Variants in PPAT observed in about 807,000 individuals in gnomAD.
PPAT encodes phosphoribosyl pyrophosphate amidotransferase, also known as amidophosphoribosyltransferase.
PPAT carries 20 observed loss-of-function variants against 60.2 expected under a neutral mutation model. That is an observed-to-expected ratio of 0.33 (90% CI 0.23 to 0.48). The LOEUF is 0.48. Ranked by LOEUF, PPAT falls within the 20% of genes least tolerant of loss-of-function variation. The pLI is 0.99. For synonymous variants in PPAT, 194 were observed against 215.1 expected (o/e 0.90, Z 0.86); for missense variants, 349 against 629.6 (o/e 0.55, Z 4.77).
intron 1 of PPAT, chr4:56,422,858 A>G (rs1717112068): frequency 6.6e-6 from 1 of 152,222 alleles, no homozygotes; most frequent in Admixed American, 6.5e-5. Context: ...CAAGTGTAGC[A>G]GCATCAGCAT....
At chr4:56,399,155 AG>A (rs1716054242) in intron 9 of PPAT, 23 bp downstream of exon 9, 1 of 1,564,260 alleles carries the variant, frequency 6.4e-7, no homozygotes, top group African/African-American at 1.4e-5. Context: ...CTTATGCTTT[AG>A]GATATGTTTT....
In PPAT at chr4:56,394,671, A is replaced by T. The variant is rs1307164042; in HGVS notation, c.*681T>A. 6.6e-6 allele frequency: 1 copy of T among 152,170 alleles called. No homozygotes were observed. Among genetic ancestry groups the T allele is most frequent in the Non-Finnish European group, 1.5e-5 (1 of 68,032 alleles). 9.4% of individuals were successfully genotyped at this position (152,170 alleles called of 1,614,324 possible). A position where few individuals can be genotyped will look rare whatever the true frequency, so the allele number is the denominator to read the frequency against. Reference sequence around the variant, plus strand: ...TCTCCTTCCATCATAATGAAATCTTAATTAATTGTAAACTAATTTCAAAAA... The same window carrying T: ...TCTCCTTCCATCATAATGAAATCTTTATTAATTGTAAACTAATTTCAAAAA... On this transcript the variant is annotated 3_prime_UTR_variant, in exon 11 of 11. Coordinates refer to ENST00000264220, the MANE Select transcript of PPAT (RefSeq NM_002703.5).
At chr4:56,406,200 A>G (rs1415264056) in intron 3 of PPAT, among the ~76,000 whole-genome samples, 1 of 152,136 alleles carries the variant, frequency 6.6e-6, no homozygotes, top group East Asian at 1.9e-4. Context: ...AAGTCCATAA[A>G]CTCTAATTTC....
At chr4:56,404,027 G>A in intron 3 of PPAT, 3 of 451,392 alleles carry the variant, frequency 6.6e-6, no homozygotes, top group South Asian at 3.1e-5. Flanking sequence ...CCACAGACTG[G>A]TACTAGTCCC....
At chr4:56,414,617 T>G (rs1049896699) in intron 1 of PPAT, among the ~76,000 whole-genome samples, 2 of 152,222 alleles carry the variant, frequency 1.3e-5, no homozygotes, top group South Asian at 2.1e-4. Context: ...AATGAGCAAC[T>G]TAAGAAAAAA....
Position 56,396,832 on chromosome 4 carries a change from C to T in PPAT, c.1237-93G>A. ...ATACAAAATTGTTTTGCAGAATATT[C>T]AGTAACAACATATGGGTAATAAATT... is the stretch of plus-strand genomic sequence containing the variant. On this transcript the variant is annotated intron_variant, in intron 9 of 10. Transcript: ENST00000264220. The surrounding 1 kb of genome is among the most constrained non-coding windows in gnomAD (Gnocchi z 4.6). 2 of 1,270,060 alleles carry T rather than the reference C, an allele frequency of 1.6e-6. No individual in the cohort carries two copies. Among genetic ancestry groups the T allele is most frequent in the South Asian group, 1.6e-5 (1 of 63,106 alleles). 78.7% of individuals were successfully genotyped at this position (1,270,060 alleles called of 1,614,324 possible).
At position 56,406,495 on chromosome 4, in the gene PPAT, C is replaced by A; in HGVS notation, c.402G>T (p.Lys134Asn). Residue 134 changes from lysine to asparagine, a missense_variant and splice_region_variant, in exon 3 of 11, where the codon AAG (lysine) becomes AAT (asparagine). By Grantham distance (94) the Lys-to-Asn change is moderately conservative. Coordinates refer to ENST00000264220, the MANE Select transcript of PPAT (RefSeq NM_002703.5). Reference protein sequence around the residue: ...ELVNAARLRKKLLRHGIGLST... With the variant: ...ELVNAARLRKNLLRHGIGLST... ...AGGGAAAACAAACAAACAAACGTACCTTTTTCCTTAATCGAGCAGCATTTA... is the reference window on the plus strand; with the variant it reads ...AGGGAAAACAAACAAACAAACGTACATTTTTCCTTAATCGAGCAGCATTTA... 1.2e-6 allele frequency: 2 copies of A among 1,610,112 alleles called. No homozygotes were observed. The highest frequency in any genetic ancestry group is 8.5e-7 in the Non-Finnish European group (1 of 1,178,198).
intron 5 of PPAT, 76 bp downstream of exon 5, chr4:56,402,964 A>G: frequency 7.2e-7 from 1 of 1,379,880 alleles, no homozygotes; most frequent in Non-Finnish European, 9.7e-7. Context: ...CTATACCTAA[A>G]GATTTCAGGG....
intron 1 of PPAT, among the ~76,000 whole-genome samples, chr4:56,424,632 TTTTA>T (rs1253434985): frequency 6.6e-6 from 1 of 152,210 alleles, no homozygotes; most frequent in Non-Finnish European, 1.5e-5. Flanking sequence ...CTAAAACATA[TTTTA>T]TTTTTCTCCC....
At chr4:56,401,081 TA>T (rs1054789033) in intron 7 of PPAT, among the ~76,000 whole-genome samples, 170 bp from the exon 8 acceptor site, 15 of 150,472 alleles carry the variant, frequency 1.0e-4, no homozygotes, top group South Asian at 6.3e-4. Flanking sequence ...TGTGTGGTTT[TA>T]AAAAAAAAAT....
At chr4:56,402,820 C>CAAAAAAAAAA (rs556899549) in intron 5 of PPAT, among the ~76,000 whole-genome samples, 17 of 44,042 alleles carry the variant, frequency 3.9e-4, no homozygotes, top group African/African-American at 1.5e-3. Context: ...ACTCGGTCTC[C>CAAAAAAAAAA]AAAAAAAAAA....
chr4:56,407,850 C>T, intron 1 of PPAT, 134 bp from the exon 2 acceptor site: 2 of 668,846 alleles, frequency 3.0e-6, no homozygotes, highest in South Asian at 3.4e-5. Context: ...CTTGTACTAG[C>T]ACTACTTCTA....
intron 1 of PPAT, among the ~76,000 whole-genome samples, chr4:56,428,420 G>GT (rs1717408977): frequency 6.6e-6 from 1 of 152,134 alleles, no homozygotes. Flanking sequence ...GAAATTGCCA[G>GT]AAGATTAATT....
At chr4:56,434,726 G>C (rs527505353) in intron 1 of PPAT, among the ~76,000 whole-genome samples, 9 of 152,024 alleles carry the variant, frequency 5.9e-5, no homozygotes, top group African/African-American at 1.9e-4. Flanking sequence ...CCTATGGTTG[G>C]CTTATTTCCA....
At chr4:56,408,171 C>T in intron 1 of PPAT, 1 of 155,502 alleles carries the variant, frequency 6.4e-6, no homozygotes, top group Non-Finnish European at 1.4e-5. Context: ...GGTACGGTGG[C>T]TCACGCCTGT....
rs1715884578 is a variant in PPAT, at chr4:56,393,674, C to G, written c.*1678G>C. The stretch of plus-strand genomic sequence containing the variant: ...CCTTTACAAAAGCATCTCAGTAAAA[C>G]AAAAACTACAGAAAACGCAAAGTAA... On this transcript the variant is annotated 3_prime_UTR_variant, in exon 11 of 11. Coordinates refer to ENST00000264220, the MANE Select transcript of PPAT (RefSeq NM_002703.5). The G allele has an allele frequency of 6.6e-6, 1 of 152,558 alleles. No individual in the cohort carries two copies. Among genetic ancestry groups the G allele is most frequent in the Admixed American group, 6.5e-5 (1 of 15,270 alleles). The allele number at this position is 152,558 out of a possible 1,614,324, so 9.5% of individuals were successfully genotyped here.
rs200268394 is a variant in PPAT, at chr4:56,395,358, T to A, written c.1548A>T (p.Glu516Asp). 2.5e-6 allele frequency: 4 copies of A among 1,604,384 alleles called. No homozygotes were observed. Among genetic ancestry groups the A allele is most frequent in the African/African-American group, 2.7e-5 (2 of 74,492 alleles). ...ACACATCCAACCCTACCAGCTACCA[T>A]TCTAATTCTACAGGATATTTTCCAG... is the stretch of plus-strand genomic sequence containing the variant. The part of the protein sequence containing the change: ...CLTGKYPVEL[E>D]W The change falls in exon 11 of 11, where the codon GAA (glutamate) becomes GAT (aspartate). Residue 516 changes from glutamate to aspartate, a missense_variant. Physicochemically the swap from Glu to Asp is conservative, Grantham distance 45. Transcript: ENST00000264220.
At chr4:56,416,850 T>C (rs1182879783) in intron 1 of PPAT, among the ~76,000 whole-genome samples, 2 of 152,250 alleles carry the variant, frequency 1.3e-5, no homozygotes, top group South Asian at 2.1e-4. Flanking sequence ...AATCCTTCTT[T>C]GCTTCTATTT....
rs1001212156 is a variant in PPAT at position 56,396,100 on chromosome 4, C to G, written c.1357+519G>C. Among the ~76,000 whole-genome samples, 1 of 152,150 alleles carries G rather than the reference C, an allele frequency of 6.6e-6. No homozygotes were observed. The highest frequency in any genetic ancestry group is 2.4e-5 in the African/African-American group (1 of 41,412). On this transcript the variant is annotated intron_variant, in intron 10 of 10. Transcript: ENST00000264220. This position sits in a 1 kb window ranked among gnomAD's most constrained non-coding sequence, Gnocchi z 4.6. ...GGTTAAAAGAAACACCAGCCACAAA[C>G]AGATGGTGTGGAGGTACCAAGGCAC... is the stretch of plus-strand genomic sequence containing the variant.
Sources: allele counts gnomAD v4.1 joint callset (sites outside exome capture counted in the v4.1 genomes callset), GRCh38; gene constraint gnomAD v4.1.1; non-coding constraint Gnocchi (gnomAD v3.1); transcripts MANE v1.5; gene names NCBI Gene and HGNC (gene_info 2026-07-23, HGNC 2026-07-21).